NIPBL: variants seen among roughly 807,000 people sequenced by gnomAD.
NIPBL encodes the protein nipped-B-like protein.
In NIPBL, 19 loss-of-function variants were observed where a neutral mutation model predicts 321.8. That is an observed-to-expected ratio of 0.06 (90% confidence interval 0.04 to 0.09). The LOEUF (loss-of-function observed/expected upper bound fraction) is 0.09, where lower values mean the gene tolerates loss of function less well. Ranked by LOEUF, NIPBL falls within the 10% of genes least tolerant of loss-of-function variation. The pLI is 1.00. For synonymous variants in NIPBL, 1,106 were observed against 1,114.1 expected, an observed-to-expected ratio of 0.99 and a Z score of 0.14; for missense variants, 2,210 against 3,327.0, an observed-to-expected ratio of 0.66 and a Z score of 8.26.
At chr5:36,992,166 A>G (rs920488262) in intron 10 of NIPBL, among the ~76,000 whole-genome samples, 1 of 152,184 alleles carries the variant, frequency 6.6e-6, no homozygotes, top group Admixed American at 6.5e-5. Context: ...AATTGTGACT[A>G]AATGACATTA....
At chr5:37,063,078 A>C (rs1754946262) in intron 45 of NIPBL, among the ~76,000 whole-genome samples, 1 of 152,166 alleles carries the variant, frequency 6.6e-6, no homozygotes, top group African/African-American at 2.4e-5. Flanking sequence ...TTTCAGGTGT[A>C]GTGGCTCACA....
intron 42 of NIPBL, among the ~76,000 whole-genome samples, chr5:37,056,575 A>G (rs1207570948): frequency 6.6e-6 from 1 of 152,170 alleles, no homozygotes; most frequent in Non-Finnish European, 1.5e-5. Flanking sequence ...CAACTCTGAC[A>G]TTCTGAATTA....
intron 45 of NIPBL, 49 bp from the exon 46 acceptor site, chr5:37,063,741 T>G: frequency 7.1e-6 from 11 of 1,542,480 alleles, no homozygotes; most frequent in African/African-American, 1.4e-5. Flanking sequence ...TTGACAATCT[T>G]GCTTGAAATA....
chr5:36,973,519 G>C (rs1217832775), intron 8 of NIPBL, among the ~76,000 whole-genome samples: 1 of 152,038 alleles, frequency 6.6e-6, no homozygotes, highest in East Asian at 1.9e-4. Flanking sequence ...CCAGGCTGGA[G>C]TGCAGTGGCA....
intron 1 of NIPBL, among the ~76,000 whole-genome samples, chr5:36,909,593 A>ACTG (rs1747892532): frequency 1.3e-5 from 2 of 152,192 alleles, no homozygotes; most frequent in African/African-American, 4.8e-5. Context: ...ATTGGTAATC[A>ACTG]CAAAAATAGT....
intron 45 of NIPBL, among the ~76,000 whole-genome samples, chr5:37,062,874 C>T (rs1352039044): frequency 1.3e-5 from 2 of 151,400 alleles, no homozygotes; most frequent in African/African-American, 4.9e-5. Flanking sequence ...GAGCCATGAT[C>T]GTGCCACTGC....
At chr5:37,052,675 C>T (rs1245023817) in intron 42 of NIPBL, 109 bp downstream of exon 42, 8 of 817,126 alleles carry the variant, frequency 9.8e-6, no homozygotes, top group Non-Finnish European at 1.6e-5. Flanking sequence ...ATAGTAACTT[C>T]ATTAAGTGTT....
At chr5:36,961,413 G>A in intron 4 of NIPBL, 71 bp from the exon 5 acceptor site, 2 of 926,528 alleles carry the variant, frequency 2.2e-6, no homozygotes, top group Non-Finnish European at 3.6e-6. Context: ...AAGAATAACT[G>A]ATTTCAGTTA....
chr5:37,039,177 A>C (rs1024047542), intron 34 of NIPBL, among the ~76,000 whole-genome samples: 13 of 151,934 alleles, frequency 8.6e-5, no homozygotes, highest in Non-Finnish European at 1.5e-4. Flanking sequence ...ACAGTAGTCA[A>C]CCTCGGTCAT....
At chr5:36,978,765 A>G (rs965748906) in intron 9 of NIPBL, among the ~76,000 whole-genome samples, 32 of 151,994 alleles carry the variant, frequency 2.1e-4, no homozygotes, top group Non-Finnish European at 1.5e-4. Context: ...TAATTTTTGT[A>G]TAGGTGAGAG....
intron 5 of NIPBL, among the ~76,000 whole-genome samples, chr5:36,961,852 C>T (rs1741664579): frequency 6.6e-6 from 1 of 152,094 alleles, no homozygotes; most frequent in Non-Finnish European, 1.5e-5. Flanking sequence ...AGAAGATTTA[C>T]GGAGCATGGC....
intron 1 of NIPBL, among the ~76,000 whole-genome samples, chr5:36,928,405 A>C (rs1189336350): frequency 6.6e-6 from 1 of 152,192 alleles, no homozygotes; most frequent in African/African-American, 2.4e-5. Context: ...ATTCCCAGAA[A>C]TTGTTAGTAC....
chr5:36,879,963 A>C (rs1344312769), intron 1 of NIPBL, among the ~76,000 whole-genome samples: 4 of 152,062 alleles, frequency 2.6e-5, no homozygotes, highest in African/African-American at 9.7e-5. Flanking sequence ...ACATTTTTGA[A>C]CCTGTTCTAG....
intron 16 of NIPBL, 116 bp downstream of exon 16, chr5:37,003,463 G>A (rs1006051327): frequency 1.5e-6 from 1 of 647,200 alleles, no homozygotes; most frequent in Non-Finnish European, 2.8e-6. Context: ...AGTCAACTGT[G>A]ATCTGAAAGT....
At position 37,022,155 on chromosome 5, in the gene NIPBL, G is replaced by A. The variant is rs1434859841; in HGVS notation, c.5427+6G>A. 6.2e-7 allele frequency: 1 copy of A among 1,613,746 alleles called. No individual in the cohort carries two copies. Among genetic ancestry groups the A allele is most frequent in the Non-Finnish European group, 8.5e-7 (1 of 1,179,678 alleles). On this transcript the variant is annotated splice_donor_region_variant and intron_variant, in intron 28 of 46. Coordinates refer to ENST00000282516, the MANE Select transcript of NIPBL (RefSeq NM_133433.4). The stretch of plus-strand genomic sequence containing the variant: ...ACCCCAGTATTCTAGCAAGGGTAAA[G>A]AGCAAAAATGATTCTTTCTTTTCTA...
At chr5:36,890,766 A>G (rs1302286775) in intron 1 of NIPBL, among the ~76,000 whole-genome samples, 1 of 152,240 alleles carries the variant, frequency 6.6e-6, no homozygotes, top group African/African-American at 2.4e-5. Context: ...TGCAGAAATA[A>G]AGTGGTAAGG....
chr5:36,938,669 A>G (rs1014907873), intron 1 of NIPBL, among the ~76,000 whole-genome samples: 2 of 152,192 alleles, frequency 1.3e-5, no homozygotes, highest in African/African-American at 4.8e-5. Flanking sequence ...TACACAGACT[A>G]TTACTGTTTT....
chr5:36,894,658 G>C (rs1459845438), intron 1 of NIPBL, among the ~76,000 whole-genome samples: 1 of 151,918 alleles, frequency 6.6e-6, no homozygotes, highest in Non-Finnish European at 1.5e-5. Context: ...CCCCCACTGC[G>C]GGGAGGTGGC....
intron 34 of NIPBL, among the ~76,000 whole-genome samples, chr5:37,042,825 C>CA (rs1216799676): frequency 6.6e-4 from 57 of 85,832 alleles, no homozygotes; most frequent in South Asian, 2.2e-3. Flanking sequence ...GACTCCGTCT[C>CA]AAAAAAAAAA....
Sources: allele counts gnomAD v4.1 joint callset (sites outside exome capture counted in the v4.1 genomes callset), GRCh38; gene constraint gnomAD v4.1.1; transcripts MANE v1.5; gene names NCBI Gene and HGNC (gene_info 2026-07-23, HGNC 2026-07-21).